The following SGCZ variants were observed in gnomAD, a reference collection of about 807,000 sequenced individuals.
The protein encoded by SGCZ is zeta-sarcoglycan.
In SGCZ, 40 loss-of-function variants were observed where a neutral mutation model predicts 41.3. That is an observed-to-expected ratio of 0.97 (90% CI 0.75 to 1.26). The LOEUF is 1.26. SGCZ is among the 50% of genes most tolerant of loss of function. The probability of loss-of-function intolerance (pLI) is 0.00; values close to 1 mark genes in which losing one functional copy is unlikely to be tolerated. For synonymous variants in SGCZ, 206 were observed against 137.5 expected (o/e 1.50, Z -3.49); for missense variants, 552 against 369.8 (o/e 1.49, Z -4.04).
intron 1 of SGCZ, among the ~76,000 whole-genome samples, chr8:14,825,324 A>T (rs1802263471): frequency 6.6e-6 from 1 of 152,106 alleles, no homozygotes; most frequent in African/African-American, 2.4e-5. Context: ...TCTTGTTTTC[A>T]CACTCTAGAA....
At chr8:14,708,672 C>T (rs1809409213) in intron 1 of SGCZ, among the ~76,000 whole-genome samples, 1 of 151,924 alleles carries the variant, frequency 6.6e-6, no homozygotes, top group Non-Finnish European at 1.5e-5. Context: ...ATCGTAAATC[C>T]AAGTATTAAC....
At chr8:14,983,958 C>T (rs981777657) in intron 1 of SGCZ, among the ~76,000 whole-genome samples, 2 of 152,088 alleles carry the variant, frequency 1.3e-5, no homozygotes, top group African/African-American at 2.4e-5. Context: ...AACCAATACT[C>T]GCTTTTAATT....
intron 1 of SGCZ, among the ~76,000 whole-genome samples, chr8:15,025,647 G>T (rs1482492053): frequency 1.3e-5 from 2 of 152,192 alleles, no homozygotes; most frequent in South Asian, 4.1e-4. Context: ...ATGCCATGTA[G>T]GACTTACATC....
rs887234115 is a variant in SGCZ at position 14,677,434 on chromosome 8, T to C, written c.40-122508A>G. On this transcript the variant is annotated intron_variant, in intron 1 of 7. Coordinates refer to ENST00000382080, the MANE Select transcript of SGCZ (RefSeq NM_139167.4). The stretch of plus-strand genomic sequence containing the variant: ...TCAAAATCTCAGCTTATTTTATGAA[T>C]AACAACAAATTGATTCTACATATTG... 4.6e-5 allele frequency among the ~76,000 whole-genome samples: 7 copies of C among 152,280 alleles called. No individual in the cohort carries two copies. The South Asian group carries it at 6.2e-4, about 14-fold the overall frequency.
intron 2 of SGCZ, among the ~76,000 whole-genome samples, chr8:14,551,473 TTATATATTA>T (rs1803817169): frequency 8.7e-5 from 1 of 11,540 alleles, no homozygotes; most frequent in African/African-American, 3.1e-4. Context: ...ATTATATATA[TTATATATTA>T]TATATATTAT....
intron 1 of SGCZ, among the ~76,000 whole-genome samples, chr8:15,021,506 G>A (rs185158790): frequency 6.6e-6 from 1 of 152,266 alleles, no homozygotes; most frequent in East Asian, 1.9e-4. Flanking sequence ...AAGTCAAAAA[G>A]GGAATTAACA....
chr8:14,757,062 T>C (rs970085085), intron 1 of SGCZ, among the ~76,000 whole-genome samples: 1 of 152,230 alleles, frequency 6.6e-6, no homozygotes. Context: ...TTTTTCTTTT[T>C]TTTTGAGACA....
At chr8:14,761,965 T>C (rs542371822) in intron 1 of SGCZ, among the ~76,000 whole-genome samples, 9 of 152,266 alleles carry the variant, frequency 5.9e-5, no homozygotes, top group African/African-American at 2.2e-4. Flanking sequence ...CTCTAACATA[T>C]GAGTCTCATG....
rs75435367 is a variant in SGCZ, at chr8:14,089,636, T to C, written c.*807A>G. ...ACATATCCTTCTTAATCCTGTCTTA[T>C]ATTGCAATAGAGTAGATGTTTTGTT... is the stretch of plus-strand genomic sequence containing the variant. On this transcript the variant is annotated 3_prime_UTR_variant, in exon 8 of 8. Coordinates refer to ENST00000382080, the MANE Select transcript of SGCZ (RefSeq NM_139167.4). Among the ~76,000 whole-genome samples, 4,048 of 152,066 alleles carry C rather than the reference T, an allele frequency of 0.027. 171 individuals are homozygous for C. Among genetic ancestry groups the C allele is most frequent in the African/African-American group, 0.092 (3,808 of 41,494 alleles).
rs34733244 is a variant in SGCZ, at chr8:15,186,101, TA to T, written c.39+51483del. Among the ~76,000 whole-genome samples the T allele has an allele frequency of 3.3e-3, 482 of 145,064 alleles. 3 individuals are homozygous for T. The highest frequency in any genetic ancestry group is 0.011 in the African/African-American group (448 of 39,186). ...AATAAATAAAAAATAAATAAAAAAA[TA>T]AAAAAAAAACTTAGCCGGGCATGGC... is the stretch of plus-strand genomic sequence containing the variant. On this transcript the variant is annotated intron_variant, in intron 1 of 7. Coordinates refer to ENST00000382080, the MANE Select transcript of SGCZ (RefSeq NM_139167.4).
At chr8:14,365,924 C>T (rs1053137663) in intron 2 of SGCZ, among the ~76,000 whole-genome samples, 2 of 152,038 alleles carry the variant, frequency 1.3e-5, no homozygotes, top group Non-Finnish European at 1.5e-5. Context: ...TTCACCAATA[C>T]TGAAAATATG....
intron 5 of SGCZ, among the ~76,000 whole-genome samples, chr8:14,147,003 A>G (rs1239062596): frequency 6.6e-6 from 1 of 151,876 alleles, no homozygotes; most frequent in South Asian, 2.1e-4. Flanking sequence ...CAAGGCTTAG[A>G]GTTTTGAGTA....
rs140142937 is a variant in SGCZ, at chr8:14,452,205, T to A, written c.234+102527A>T. Among the ~76,000 whole-genome samples, 8 of 152,192 alleles carry A rather than the reference T, an allele frequency of 5.3e-5. No homozygotes were observed. In the East Asian group the frequency reaches 1.5e-3, roughly 29 times the overall value. The stretch of plus-strand genomic sequence containing the variant: ...ACTTCTACTAAGTTAAAGAAGTCAA[T>A]CTGACAAAGATTACATACTATATGA... On this transcript the variant is annotated intron_variant, in intron 2 of 7. Coordinates refer to ENST00000382080, the MANE Select transcript of SGCZ (RefSeq NM_139167.4).
chr8:15,044,704 G>A lies in SGCZ; in HGVS notation c.39+192881C>T, dbSNP rs939361731. Among the ~76,000 whole-genome samples, 6 of 152,028 alleles carry A rather than the reference G, an allele frequency of 3.9e-5. No individual in the cohort carries two copies. The East Asian group carries it at 7.7e-4, about 20-fold the overall frequency. On this transcript the variant is annotated intron_variant, in intron 1 of 7. Transcript: ENST00000382080. ...TGAGAATAGCAAAACTTGGTAAGAT[G>A]GAGGGTTAATTAGGAGTTAATGATG...
At chr8:14,770,999 C>A (rs975997515) in intron 1 of SGCZ, among the ~76,000 whole-genome samples, 2 of 152,084 alleles carry the variant, frequency 1.3e-5, no homozygotes, top group Non-Finnish European at 2.9e-5. Flanking sequence ...CACAAGTACA[C>A]TTCAATAGCT....
At chr8:14,599,958 AT>A (rs1805533770) in intron 1 of SGCZ, among the ~76,000 whole-genome samples, 1 of 152,226 alleles carries the variant, frequency 6.6e-6, no homozygotes, top group East Asian at 1.9e-4. Context: ...ATGGAAAAAA[AT>A]CTCTTCAAAT....
chr8:14,455,990 G>T (rs1225704642), intron 2 of SGCZ, among the ~76,000 whole-genome samples: 1 of 152,198 alleles, frequency 6.6e-6, no homozygotes, highest in Admixed American at 6.5e-5. Context: ...GAGGGGAGGG[G>T]ATGCGGAGTG....
intron 1 of SGCZ, among the ~76,000 whole-genome samples, chr8:15,137,957 G>A (rs1205618205): frequency 6.6e-6 from 1 of 152,130 alleles, no homozygotes; most frequent in Admixed American, 6.5e-5. Flanking sequence ...CTGTGTGCCT[G>A]GAAATGCCAC....
chr8:14,760,388 C>A (rs566606341), intron 1 of SGCZ, among the ~76,000 whole-genome samples: 1 of 152,240 alleles, frequency 6.6e-6, no homozygotes, highest in African/African-American at 2.4e-5. Context: ...TAAATTGTTG[C>A]TAATCAATGA....
Sources: gnomAD v4.1 joint callset for allele counts (sites outside exome capture counted in the v4.1 genomes callset) on GRCh38, gnomAD v4.1.1 for gene constraint, MANE v1.5 for transcripts, NCBI Gene and HGNC (gene_info 2026-07-23, HGNC 2026-07-21) for gene names.